The following NUP205 variants were observed in gnomAD, a reference collection of about 807,000 sequenced individuals.
NUP205 encodes the protein nuclear pore complex protein Nup205.
NUP205 carries 76 observed loss-of-function variants against 253.8 expected under a neutral mutation model. That is an observed-to-expected ratio of 0.30 (90% confidence interval 0.25 to 0.36). The LOEUF is 0.36. Ranked by LOEUF, NUP205 falls within the 10% of genes least tolerant of loss-of-function variation. NUP205 has a pLI of 1.00. For missense variants in NUP205, 2,162 were observed against 2,425.5 expected, an observed-to-expected ratio of 0.89 and a Z score of 2.28; for synonymous variants, 832 against 850.1, an observed-to-expected ratio of 0.98 and a Z score of 0.37.
In NUP205 at chr7:135,598,116, G is replaced by A. The variant is rs200296279; in HGVS notation, c.2183G>A (p.Arg728Gln). The A allele has an allele frequency of 1.4e-4, 231 of 1,613,964 alleles. 4 individuals are homozygous for A. The highest frequency in any genetic ancestry group is 1.9e-5 in the Non-Finnish European group (22 of 1,180,006). The change falls in exon 15 of 43, where the codon CGG becomes CAG. Residue 728 changes from arginine to glutamine, a missense_variant. Arg to Gln is a conservative substitution (Grantham distance 43). Coordinates refer to ENST00000285968, the MANE Select transcript of NUP205 (RefSeq NM_015135.3). ...CCTTCTAATTTGGGTGCTGGACTGC[G>A]GCCCCCTGGCTTTGACCCTTATTTG... The part of the protein sequence containing the change: ...SFPSNLGAGL[R>Q]PPGFDPYLQF...
intron 22 of NUP205, among the ~76,000 whole-genome samples, chr7:135,611,806 T>C (rs867921680): frequency 5.9e-5 from 9 of 152,154 alleles, no homozygotes; most frequent in African/African-American, 2.2e-4. Context: ...TTTGGTTGTT[T>C]TGTATTTTTC....
At chr7:135,598,818 G>A (rs1208480670) in intron 15 of NUP205, 1 of 152,754 alleles carries the variant, frequency 6.5e-6, no homozygotes, top group African/African-American at 2.4e-5. Flanking sequence ...GCAAGGTTAA[G>A]GAACTTGCCT....
chr7:135,581,399 C>T (rs1376649242), intron 7 of NUP205, among the ~76,000 whole-genome samples: 2 of 151,798 alleles, frequency 1.3e-5, no homozygotes, highest in African/African-American at 4.8e-5. Flanking sequence ...AAAAATTAGC[C>T]CAGTGTGGTG....
chr7:135,618,918 A>C (rs1332207426), intron 28 of NUP205, among the ~76,000 whole-genome samples: 2 of 152,322 alleles, frequency 1.3e-5, no homozygotes, highest in South Asian at 2.1e-4. Flanking sequence ...TTCTGATAGG[A>C]ATCCCTTCTG....
intron 35 of NUP205, among the ~76,000 whole-genome samples, chr7:135,631,117 C>T (rs975811786): frequency 2.6e-5 from 4 of 151,968 alleles, no homozygotes; most frequent in African/African-American, 9.7e-5. Context: ...GCAACAGAGA[C>T]ATACAGAGGC....
At chr7:135,583,877 C>T (rs1217663472) in intron 7 of NUP205, among the ~76,000 whole-genome samples, 7 of 136,680 alleles carry the variant, frequency 5.1e-5, no homozygotes, top group African/African-American at 1.9e-4. Flanking sequence ...GAGTTTTGCT[C>T]GTTTTCCAGG....
Position 135,614,177 on chromosome 7 carries a change from G to A in NUP205, c.3214G>A (p.Ala1072Thr), listed in dbSNP as rs991537370. The A allele has an allele frequency of 1.4e-5, 22 of 1,597,818 alleles. No homozygotes were observed. Among genetic ancestry groups the A allele is most frequent in the Admixed American group, 5.0e-5 (3 of 59,870 alleles). The change falls in exon 23 of 43, where the codon GCA (alanine) becomes ACA (threonine). Residue 1072 changes from alanine (A) to threonine (T), a missense_variant. Physicochemically the swap from Ala to Thr is moderately conservative, Grantham distance 58 (BLOSUM62 0). This residue lies in a region of NUP205 where 1,144 missense variants were observed against 1,280.9 expected (regional missense o/e 0.89). Transcript: ENST00000285968. ...GCTTTAGGTCATATATCAGTTATGT[G>A]CATGCTCTGATACATCTGGTCCTAC... ...LCYQVIYQLCACSDTSGPTMR... is the reference protein window; with the variant it reads ...LCYQVIYQLCTCSDTSGPTMR...
In NUP205 at chr7:135,576,956, C is replaced by T. The variant is rs956111962; in HGVS notation, c.489-13C>T. On this transcript the variant is annotated splice_polypyrimidine_tract_variant and intron_variant, in intron 4 of 42. Coordinates refer to ENST00000285968, the MANE Select transcript of NUP205 (RefSeq NM_015135.3). ...ATTGTTTAACGTAGTTTATTGATTT[C>T]TTTTCATTACAGTCCAGAGCTGGCT... 106 of 1,599,416 alleles carry T rather than the reference C, an allele frequency of 6.6e-5. 2 individuals are homozygous for T. The South Asian group carries it at 1.2e-3, about 18-fold the overall frequency.
chr7:135,584,690 TA>T (rs1368467235), intron 7 of NUP205, 141 bp from the exon 8 acceptor site: 4 of 697,292 alleles, frequency 5.7e-6, no homozygotes, highest in Admixed American at 2.7e-5. Flanking sequence ...CAATTACAGT[TA>T]TATATAGTCT....
At chr7:135,566,116 A>G (rs1805750249) in intron 1 of NUP205, among the ~76,000 whole-genome samples, 1 of 151,792 alleles carries the variant, frequency 6.6e-6, no homozygotes, top group Admixed American at 6.6e-5. Flanking sequence ...TTGTTTATTT[A>G]TTTGTTTTTT....
intron 1 of NUP205, among the ~76,000 whole-genome samples, chr7:135,569,465 A>G (rs1337535629): frequency 6.6e-6 from 1 of 151,994 alleles, no homozygotes; most frequent in African/African-American, 2.4e-5. Context: ...TTTACTTTCC[A>G]GTAAATTATG....
intron 2 of NUP205, among the ~76,000 whole-genome samples, chr7:135,571,649 A>C (rs571802412): frequency 6.6e-6 from 1 of 152,296 alleles, no homozygotes; most frequent in Non-Finnish European, 1.5e-5. Flanking sequence ...GCAGTGTGAA[A>C]TAATCACATC....
chr7:135,587,787 C>T (rs1240855642), intron 9 of NUP205, 68 bp from the exon 10 acceptor site: 2 of 1,524,048 alleles, frequency 1.3e-6, no homozygotes, highest in East Asian at 2.3e-5. Flanking sequence ...TTTAAATGTC[C>T]TTTTTTTTAT....
chr7:135,599,439 C>G (rs752297793), intron 15 of NUP205, among the ~76,000 whole-genome samples: 1 of 152,042 alleles, frequency 6.6e-6, no homozygotes, highest in Non-Finnish European at 1.5e-5. Context: ...TACTTAGGCT[C>G]TAGAACTTAA....
chr7:135,612,102 A>G (rs571474233), intron 22 of NUP205, among the ~76,000 whole-genome samples: 2 of 152,328 alleles, frequency 1.3e-5, no homozygotes, highest in African/African-American at 4.8e-5. Context: ...CCTGAGCGAC[A>G]GAATGAAACT....
At chr7:135,609,609 C>T (rs907721608) in intron 22 of NUP205, among the ~76,000 whole-genome samples, 1 of 151,852 alleles carries the variant, frequency 6.6e-6, no homozygotes, top group Non-Finnish European at 1.5e-5. Context: ...GATCGCACCA[C>T]TGCACTCCAG....
At position 135,617,201 on chromosome 7, in the gene NUP205, A is replaced by G; in HGVS notation, c.3644A>G (p.Asn1215Ser). ...GCCCAGATTGAACAAGTTATTGCTA[A>G]CTGTGAACACAAGAATTTACGGGGA... ...DRAQIEQVIA[N>S]CEHKNLRGQT... Residue 1215 changes from asparagine (N) to serine (S), a missense_variant, in exon 26 of 43, where the codon AAC becomes AGC. Asn to Ser is a conservative substitution (Grantham distance 46). Coordinates refer to ENST00000285968, the MANE Select transcript of NUP205 (RefSeq NM_015135.3). The G allele has an allele frequency of 6.2e-7, 1 of 1,613,940 alleles. No individual in the cohort carries two copies.
intron 22 of NUP205, among the ~76,000 whole-genome samples, chr7:135,610,153 A>G (rs1180932365): frequency 6.6e-6 from 1 of 152,232 alleles, no homozygotes; most frequent in Non-Finnish European, 1.5e-5. Flanking sequence ...TAACTTTTAG[A>G]ACACTCTACT....
Position 135,619,635 on chromosome 7 carries a change from A to T in NUP205, c.4176A>T (p.Gly1392=). Residue 1392 remains glycine (G), a synonymous_variant, in exon 29 of 43, where the codon GGA becomes GGT. Coordinates refer to ENST00000285968, the MANE Select transcript of NUP205 (RefSeq NM_015135.3). ...ENPLVGFASI[G]DSSLYIILKK... ...CATTAGTGGGTTTTGCTTCTATTGG[A>T]GATTCTTCACTTTACATCATATTGA... is the stretch of plus-strand genomic sequence containing the variant. The T allele has an allele frequency of 6.2e-7, 1 of 1,614,138 alleles. No individual in the cohort carries two copies. The highest frequency in any genetic ancestry group is 8.5e-7 in the Non-Finnish European group (1 of 1,179,972).
Sources: allele counts gnomAD v4.1 joint callset (sites outside exome capture counted in the v4.1 genomes callset), GRCh38; gene constraint gnomAD v4.1.1; regional missense constraint gnomAD v4.1.1; transcripts MANE v1.5; gene names NCBI Gene and HGNC (gene_info 2026-07-23, HGNC 2026-07-21).